Variants in STK39 observed in about 807,000 individuals in gnomAD.
STK39 encodes serine/threonine kinase 39.
In STK39, 20 loss-of-function variants were observed where a neutral mutation model predicts 77.8. The observed-to-expected ratio is 0.26, with a 90% CI of 0.18 to 0.37. The LOEUF is 0.37. Among genes scored for constraint, STK39 ranks in the 10% least tolerant of loss-of-function variants. STK39 has a pLI of 1.00. For missense variants in STK39, 479 were observed against 656.5 expected (o/e 0.73, Z 2.95); for synonymous variants, 246 against 234.1 (o/e 1.05, Z -0.47).
At chr2:168,219,302 C>T (rs963155271) in intron 1 of STK39, among the ~76,000 whole-genome samples, 1 of 151,622 alleles carries the variant, frequency 6.6e-6, no homozygotes, top group Non-Finnish European at 1.5e-5. Context: ...AAAAAAAAAT[C>T]TTCAGATATT....
At chr2:168,101,320 C>T (rs1247157464) in intron 10 of STK39, among the ~76,000 whole-genome samples, 7 of 152,026 alleles carry the variant, frequency 4.6e-5, no homozygotes, top group Admixed American at 2.6e-4. Context: ...CAAATCTGCA[C>T]GTTCTGTACA....
intron 4 of STK39, among the ~76,000 whole-genome samples, chr2:168,163,292 AC>A (rs1167451888): frequency 6.6e-5 from 10 of 152,214 alleles, no homozygotes; most frequent in African/African-American, 2.4e-4. Flanking sequence ...TTCACATAGT[AC>A]AATGTTTGGA....
intron 1 of STK39, among the ~76,000 whole-genome samples, chr2:168,215,056 G>A (rs1275085038): frequency 6.6e-6 from 1 of 152,170 alleles, no homozygotes; most frequent in East Asian, 1.9e-4. Context: ...CACCGTATTT[G>A]CGCTGACCTT....
At chr2:168,179,799 T>A (rs1689040308) in intron 2 of STK39, among the ~76,000 whole-genome samples, 1 of 152,022 alleles carries the variant, frequency 6.6e-6, no homozygotes, top group South Asian at 2.1e-4. Context: ...ATGACCAGCC[T>A]CCCTGCTGAC....
At chr2:167,976,957 T>C (rs2105260915) in intron 16 of STK39, among the ~76,000 whole-genome samples, 1 of 152,346 alleles carries the variant, frequency 6.6e-6, no homozygotes, top group South Asian at 2.1e-4. Context: ...ATTCTAGGAA[T>C]GTTACAGGTA....
At chr2:168,198,410 A>G (rs1011842911) in intron 1 of STK39, among the ~76,000 whole-genome samples, 5 of 152,192 alleles carry the variant, frequency 3.3e-5, no homozygotes, top group African/African-American at 1.2e-4. Flanking sequence ...GGATAACCCA[A>G]CTTTGGTGTA....
intron 17 of STK39, among the ~76,000 whole-genome samples, chr2:167,959,912 GT>G (rs1259369630): frequency 6.6e-6 from 1 of 152,164 alleles, no homozygotes; most frequent in Non-Finnish European, 1.5e-5. Context: ...GTCACAAAGA[GT>G]TTTGACATCC....
intron 5 of STK39, among the ~76,000 whole-genome samples, chr2:168,159,932 G>T (rs1020771466): frequency 4.6e-5 from 7 of 152,200 alleles, no homozygotes; most frequent in African/African-American, 1.7e-4. Context: ...GAACTCAGCA[G>T]CCCGCACAGT....
chr2:168,027,960 T>A (rs771763358), intron 14 of STK39, among the ~76,000 whole-genome samples: 1 of 152,150 alleles, frequency 6.6e-6, no homozygotes, highest in Non-Finnish European at 1.5e-5. Flanking sequence ...GAAATATAAA[T>A]AACAGACTTC....
At chr2:168,230,316 G>A (rs1690421637) in intron 1 of STK39, among the ~76,000 whole-genome samples, 1 of 152,128 alleles carries the variant, frequency 6.6e-6, no homozygotes, top group East Asian at 1.9e-4. Context: ...TCCAAGACTA[G>A]GCCTCAAGAG....
chr2:168,126,742 G>A (rs971952879), intron 10 of STK39, among the ~76,000 whole-genome samples: 5 of 152,110 alleles, frequency 3.3e-5, no homozygotes, highest in African/African-American at 1.2e-4. Context: ...ATGCTGTCCC[G>A]GGCAGAGTAT....
At chr2:167,988,737 T>C (rs1256948965) in intron 16 of STK39, among the ~76,000 whole-genome samples, 2 of 152,180 alleles carry the variant, frequency 1.3e-5, no homozygotes, top group African/African-American at 4.8e-5. Flanking sequence ...GAAATTTACA[T>C]ATAAAATTCC....
chr2:168,231,783 G>C (rs1488289201), intron 1 of STK39: 2 of 201,992 alleles, frequency 9.9e-6, no homozygotes, highest in Admixed American at 4.6e-5. Context: ...GGGAGAGGAG[G>C]GGTGGCAAAG....
chr2:168,173,474 G>C (rs1389709687), intron 2 of STK39, among the ~76,000 whole-genome samples: 1 of 152,038 alleles, frequency 6.6e-6, no homozygotes, highest in African/African-American at 2.4e-5. Flanking sequence ...GGATTAACAA[G>C]GTCTTAGAAG....
intron 10 of STK39, among the ~76,000 whole-genome samples, chr2:168,123,050 T>C (rs1001640971): frequency 6.6e-6 from 1 of 152,224 alleles, no homozygotes; most frequent in African/African-American, 2.4e-5. Context: ...CCTCTTAATA[T>C]GATACAGAGA....
chr2:168,159,794 T>C (rs3754774), intron 5 of STK39, among the ~76,000 whole-genome samples: 75,559 of 151,936 alleles, frequency 0.5, 18,972 homozygotes, highest in East Asian at 0.63. Flanking sequence ...ACCAAGGAAG[T>C]CCCGGATGGC....
At chr2:167,977,282 G>A (rs1241020936) in intron 16 of STK39, among the ~76,000 whole-genome samples, 1 of 152,100 alleles carries the variant, frequency 6.6e-6, no homozygotes, top group Non-Finnish European at 1.5e-5. Context: ...GTGTGGTAAT[G>A]GGAAGTGTCC....
intron 5 of STK39, among the ~76,000 whole-genome samples, chr2:168,149,272 T>C (rs1239800426): frequency 6.6e-6 from 1 of 152,220 alleles, no homozygotes; most frequent in Non-Finnish European, 1.5e-5. Context: ...TTGCTCCCCA[T>C]TCTCCTTCCT....
intron 16 of STK39, among the ~76,000 whole-genome samples, chr2:167,968,772 G>A (rs1318180255): frequency 2.6e-5 from 4 of 152,180 alleles, no homozygotes; most frequent in Admixed American, 1.3e-4. Context: ...TGGTACGAGG[G>A]TAGGTTTCTT....
Sources: gnomAD v4.1 joint callset for allele counts (sites outside exome capture counted in the v4.1 genomes callset) on GRCh38, gnomAD v4.1.1 for gene constraint, MANE v1.5 for transcripts, NCBI Gene and HGNC (gene_info 2026-07-23, HGNC 2026-07-21) for gene names.